NEDD4: variants seen among roughly 807,000 people sequenced by gnomAD.
NEDD4 encodes the protein E3 ubiquitin-protein ligase NEDD4.
In NEDD4, 99 loss-of-function variants were observed where a neutral mutation model predicts 144.9. The observed-to-expected ratio is 0.68, with a 90% CI of 0.58 to 0.81. The LOEUF is 0.81. Ranked by LOEUF, NEDD4 falls within the 30% of genes least tolerant of loss-of-function variation. NEDD4 has a pLI of 0.00. For missense variants in NEDD4, 985 were observed against 1,065.9 expected, an observed-to-expected ratio of 0.92 and a Z score of 1.06; for synonymous variants, 318 against 350.6, an observed-to-expected ratio of 0.91 and a Z score of 1.04.
rs554246975 is a variant in NEDD4 at position 55,881,761 on chromosome 15, T to C, written c.292-7753A>G. 5.5e-4 allele frequency among the ~76,000 whole-genome samples: 83 copies of C among 152,242 alleles called. 1 individual carries two copies. The highest frequency in any genetic ancestry group is 2.0e-3 in the African/African-American group (81 of 41,534). On this transcript the variant is annotated intron_variant, in intron 5 of 28. Coordinates refer to ENST00000435532, the MANE Select transcript of NEDD4 (RefSeq NM_006154.4). ...GTGACCCTGCAGTGCTTAAAAAACA[T>C]AGCTGTGATCAACTGTCACTAGAGT...
At chr15:55,887,480 T>C (rs1179534639) in intron 5 of NEDD4, among the ~76,000 whole-genome samples, 3 of 152,142 alleles carry the variant, frequency 2.0e-5, no homozygotes, top group African/African-American at 2.4e-5. Context: ...AGTAATGAGA[T>C]TGAAGCTGTA....
chr15:55,844,308 C>A (rs889106884), intron 18 of NEDD4, among the ~76,000 whole-genome samples: 1 of 151,996 alleles, frequency 6.6e-6, no homozygotes. Flanking sequence ...GGGAGCCACA[C>A]GGTCAGATTG....
At chr15:55,884,792 C>T (rs899909519) in intron 5 of NEDD4, among the ~76,000 whole-genome samples, 9 of 152,022 alleles carry the variant, frequency 5.9e-5, no homozygotes, top group African/African-American at 2.2e-4. Flanking sequence ...CAATGAAGCA[C>T]ACCTACAAGA....
At chr15:55,988,876 A>C (rs1202220366) in intron 1 of NEDD4, among the ~76,000 whole-genome samples, 3 of 131,418 alleles carry the variant, frequency 2.3e-5, no homozygotes, top group African/African-American at 8.0e-5. Flanking sequence ...ACAGTTGCAG[A>C]ATCTGTATGA....
Position 55,904,518 on chromosome 15 carries a change from GTC to G in NEDD4, c.291+20126_291+20127del, listed in dbSNP as rs1371731389. 3.3e-5 allele frequency among the ~76,000 whole-genome samples: 5 copies of G among 152,170 alleles called. No homozygotes were observed. The East Asian group carries it at 9.8e-4, about 30-fold the overall frequency. On this transcript the variant is annotated intron_variant, in intron 5 of 28. Transcript: ENST00000435532. ...AGGTTTTACCATGCTGGCCAAGCCT[GTC>G]TCAAAGTCCTGACCTCAAGTGATCT...
chr15:55,983,492 A>C (rs559266004), intron 1 of NEDD4, among the ~76,000 whole-genome samples: 4 of 146,676 alleles, frequency 2.7e-5, no homozygotes, highest in Non-Finnish European at 4.5e-5. Flanking sequence ...GGTTCTATTT[A>C]CTCAATGGGG....
chr15:55,935,512 T>C (rs1308787669), intron 4 of NEDD4, among the ~76,000 whole-genome samples: 1 of 151,994 alleles, frequency 6.6e-6, no homozygotes, highest in African/African-American at 2.4e-5. Flanking sequence ...GAGAAAAAGA[T>C]CCAAAGTCTT....
At position 55,940,090 on chromosome 15, in the gene NEDD4, G is replaced by A. The variant is rs376129835; in HGVS notation, c.237+11286C>T. Among the ~76,000 whole-genome samples, 5 of 152,200 alleles carry A rather than the reference G, an allele frequency of 3.3e-5. No individual in the cohort carries two copies. In the South Asian group the frequency reaches 1.0e-3, roughly 32 times the overall value. ...GATGAACCTTGAGGACACTACCCTAGGTGAAATAAGCTAGTCCCAGAAGAA... is the reference window on the plus strand; with the variant it reads ...GATGAACCTTGAGGACACTACCCTAAGTGAAATAAGCTAGTCCCAGAAGAA... On this transcript the variant is annotated intron_variant, in intron 4 of 28. Coordinates refer to ENST00000435532, the MANE Select transcript of NEDD4 (RefSeq NM_006154.4).
At chr15:55,949,528 A>G in intron 4 of NEDD4, among the ~76,000 whole-genome samples, 1 of 152,216 alleles carries the variant, frequency 6.6e-6, no homozygotes, top group East Asian at 1.9e-4. Context: ...ACTATTCACA[A>G]TAGCAAAGAC....
intron 1 of NEDD4, chr15:55,987,160 C>T (rs1269982116): frequency 1.0e-5 from 1 of 100,174 alleles, no homozygotes; most frequent in Non-Finnish European, 2.0e-5. Flanking sequence ...TAATGATTGC[C>T]ATTCTAACTG....
At chr15:55,924,036 G>A (rs546498667) in intron 5 of NEDD4, among the ~76,000 whole-genome samples, 2 of 152,210 alleles carry the variant, frequency 1.3e-5, no homozygotes, top group South Asian at 2.1e-4. Flanking sequence ...ATTAGGAAAA[G>A]GATAGGACTT....
At chr15:55,856,569 G>GC (rs1158946859) in intron 11 of NEDD4, among the ~76,000 whole-genome samples, 3 of 149,892 alleles carry the variant, frequency 2.0e-5, no homozygotes, top group Non-Finnish European at 4.5e-5. Context: ...TTTCCCCGTT[G>GC]CAAGTCTTAC....
At chr15:55,952,019 T>TAA (rs761093380) in intron 2 of NEDD4, among the ~76,000 whole-genome samples, 4 of 139,584 alleles carry the variant, frequency 2.9e-5, no homozygotes, top group African/African-American at 7.9e-5. Flanking sequence ...TGCTTTCACT[T>TAA]AAAAAAAAAA....
chr15:55,923,656 A>AC (rs1275598736), intron 5 of NEDD4, among the ~76,000 whole-genome samples: 1 of 137,478 alleles, frequency 7.3e-6, no homozygotes, highest in African/African-American at 2.8e-5. Flanking sequence ...AAAAAAAAAA[A>AC]AAAATATATA....
rs60338644 is a variant in NEDD4 at position 55,940,518 on chromosome 15, T to TTCTCTCTCTCTCTCTCTCTCTC, written c.237+10836_237+10857dup. ...CTCCTTCCTCCTTCCCTCCTCCCCC[T>TTCTCTCTCTCTCTCTCTCTCTC]TCTCTCTCTCTCTCTCTCTCTCTCT... is the stretch of plus-strand genomic sequence containing the variant. On this transcript the variant is annotated intron_variant, in intron 4 of 28. Transcript: ENST00000435532. Among the ~76,000 whole-genome samples, 160 of 106,266 alleles carry TTCTCTCTCTCTCTCTCTCTCTC rather than the reference T, an allele frequency of 1.5e-3. 5 individuals are homozygous for TTCTCTCTCTCTCTCTCTCTCTC. Among genetic ancestry groups the TTCTCTCTCTCTCTCTCTCTCTC allele is most frequent in the East Asian group, 9.4e-3 (31 of 3,294 alleles). 69.7% of individuals were successfully genotyped at this position (106,266 alleles called of 152,430 possible).
At chr15:55,887,384 A>G (rs1459280298) in intron 5 of NEDD4, among the ~76,000 whole-genome samples, 1 of 152,156 alleles carries the variant, frequency 6.6e-6, no homozygotes, top group Non-Finnish European at 1.5e-5. Context: ...AAATTGGAAA[A>G]TCTAGAAGTG....
chr15:55,877,921 T>G (rs557193377), intron 5 of NEDD4, among the ~76,000 whole-genome samples: 1 of 152,306 alleles, frequency 6.6e-6, no homozygotes, highest in African/African-American at 2.4e-5. Context: ...TTCTGATATC[T>G]TCTCAATTTT....
chr15:55,841,167 T>G (rs2033484908), intron 19 of NEDD4, among the ~76,000 whole-genome samples: 1 of 152,182 alleles, frequency 6.6e-6, no homozygotes, highest in South Asian at 2.1e-4. Context: ...CTCCTGGCAT[T>G]GTGATCCACC....
intron 5 of NEDD4, chr15:55,916,533 A>T: frequency 6.2e-7 from 1 of 1,614,134 alleles, no homozygotes; most frequent in Non-Finnish European, 8.5e-7. Context: ...GCTAGACTGA[A>T]GATATCCACT....
Sources: allele counts gnomAD v4.1 joint callset (sites outside exome capture counted in the v4.1 genomes callset), GRCh38; gene constraint gnomAD v4.1.1; transcripts MANE v1.5; gene names NCBI Gene and HGNC (gene_info 2026-07-23, HGNC 2026-07-21).